The following SREK1IP1 variants were observed in gnomAD, a reference collection of about 807,000 sequenced individuals.
SREK1IP1 encodes the protein protein SREK1IP1.
Under a neutral mutation model 22.8 loss-of-function variants are expected in SREK1IP1, and 12 were observed. That is an observed-to-expected ratio of 0.53 (90% CI 0.34 to 0.85). The LOEUF is 0.85. Ranked by LOEUF, SREK1IP1 falls within the 40% of genes least tolerant of loss-of-function variation. The pLI is 0.02. For synonymous variants in SREK1IP1, 53 were observed against 52.7 expected (o/e 1.01, Z -0.02); for missense variants, 147 against 171.8 (o/e 0.86, Z 0.81).
Position 64,721,753 on chromosome 5 carries a change from T to A in SREK1IP1, c.*2631A>T, listed in dbSNP as rs1471636323. ...ATGAACCAAATATCAATTATCTGCT[T>A]GAAGAAGTTGAACGTGTTTATTATA... On this transcript the variant is annotated 3_prime_UTR_variant, in exon 5 of 5. Transcript: ENST00000513458. 6.6e-6 allele frequency: 1 copy of A among 152,164 alleles called. No homozygotes were observed. The highest frequency in any genetic ancestry group is 2.4e-5 in the African/African-American group (1 of 41,446). 9.4% of individuals were successfully genotyped at this position (152,164 alleles called of 1,614,324 possible).
In SREK1IP1 at chr5:64,728,102, A is replaced by G; in HGVS notation, c.278+5T>C. 7.3e-7 allele frequency: 1 copy of G among 1,368,474 alleles called. No homozygotes were observed. Among genetic ancestry groups the G allele is most frequent in the African/African-American group, 1.6e-5 (1 of 63,154 alleles). The allele number at this position is 1,368,474 out of a possible 1,614,324, so 84.8% of individuals were successfully genotyped here. The stretch of plus-strand genomic sequence containing the variant: ...TTGTTTTTTAAAATGTTGTTCAAAA[A>G]ATACCTTTTCCTTTTTTTTTTCAAT... On this transcript the variant is annotated splice_donor_5th_base_variant and intron_variant, in intron 4 of 4. Transcript: ENST00000513458.
intron 3 of SREK1IP1, among the ~76,000 whole-genome samples, chr5:64,730,698 G>C: frequency 6.6e-6 from 1 of 152,166 alleles, no homozygotes; most frequent in East Asian, 1.9e-4. Flanking sequence ...GCCGAAGGAG[G>C]AAGGGAGAAG....
chr5:64,731,507 GTGGGCCCT>G (rs546061209), intron 3 of SREK1IP1, among the ~76,000 whole-genome samples: 76 of 136,690 alleles, frequency 5.6e-4, no homozygotes, highest in African/African-American at 2.5e-3. Context: ...AGACAACAGA[GTGGGCCCT>G]TGTCTCAAAA....
chr5:64,724,852 G>T (rs559674063), intron 4 of SREK1IP1, among the ~76,000 whole-genome samples: 3 of 152,134 alleles, frequency 2.0e-5, no homozygotes, highest in East Asian at 3.9e-4. Context: ...GTGATTTTTG[G>T]TTTTTCATGC....
In SREK1IP1 at chr5:64,768,673, G is replaced by A; in HGVS notation, c.-156C>T. On this transcript the variant is annotated 5_prime_UTR_variant, in exon 1 of 5. Transcript: ENST00000513458. ...CGGGAAGGGCCTGTACGCCTCTAGC[G>A]ACGGCAGAACCAGTAGATGCGGATG... is the stretch of plus-strand genomic sequence containing the variant. The A allele has an allele frequency of 2.1e-6, 2 of 957,940 alleles. No homozygotes were observed. Among genetic ancestry groups the A allele is most frequent in the Non-Finnish European group, 1.6e-6 (1 of 621,174 alleles). The allele number at this position is 957,940 out of a possible 1,614,324, so 59.3% of individuals were successfully genotyped here.
intron 3 of SREK1IP1, among the ~76,000 whole-genome samples, chr5:64,730,465 C>T (rs75814352): frequency 0.069 from 10,428 of 151,724 alleles, 1,173 homozygotes; most frequent in African/African-American, 0.24. Context: ...GAAATGATGA[C>T]GCAGAGAGGG....
intron 3 of SREK1IP1, among the ~76,000 whole-genome samples, chr5:64,735,269 C>T (rs1375436895): frequency 6.6e-6 from 1 of 151,786 alleles, no homozygotes; most frequent in Non-Finnish European, 1.5e-5. Flanking sequence ...TTTTTATATA[C>T]TGCTGGATTC....
intron 4 of SREK1IP1, chr5:64,727,547 A>T (rs1478881627): frequency 4.1e-5 from 5 of 121,956 alleles, no homozygotes; most frequent in African/African-American, 2.5e-4. Flanking sequence ...ATATATATAT[A>T]TATATATTTT....
At position 64,726,631 on chromosome 5, in the gene SREK1IP1, C is replaced by T. The variant is rs1289900223; in HGVS notation, c.278+1476G>A. On this transcript the variant is annotated intron_variant, in intron 4 of 4. Transcript: ENST00000513458. ...TGTACTTCAACTTATGATGGAGTTA[C>T]GCCTTGATAAATCTATCTGAAGCTG... Among the ~76,000 whole-genome samples the T allele has an allele frequency of 2.6e-5, 4 of 150,964 alleles. No homozygotes were observed. The East Asian group carries it at 5.8e-4, about 22-fold the overall frequency.
At chr5:64,745,138 T>C (rs1742611531) in intron 2 of SREK1IP1, among the ~76,000 whole-genome samples, 1 of 152,224 alleles carries the variant, frequency 6.6e-6, no homozygotes, top group African/African-American at 2.4e-5. Flanking sequence ...CATTTTCTTG[T>C]CTAGCACCTG....
intron 1 of SREK1IP1, among the ~76,000 whole-genome samples, chr5:64,768,297 G>C (rs778543522): frequency 1.3e-5 from 2 of 152,170 alleles, no homozygotes; most frequent in Non-Finnish European, 2.9e-5. Flanking sequence ...GCTGGGGCTT[G>C]GCTCCTGGGG....
chr5:64,730,651 G>A (rs1299093967), intron 3 of SREK1IP1, among the ~76,000 whole-genome samples: 2 of 152,154 alleles, frequency 1.3e-5, no homozygotes, highest in Admixed American at 6.5e-5. Context: ...CTCTCATTTG[G>A]TGTCTTCTAT....
chr5:64,745,586 CAA>C (rs113120840), intron 2 of SREK1IP1, among the ~76,000 whole-genome samples: 2 of 125,544 alleles, frequency 1.6e-5, no homozygotes, highest in Non-Finnish European at 1.7e-5. Context: ...AAAACTGCCT[CAA>C]AAAAAAAAAA....
Position 64,768,555 on chromosome 5 carries a change from C to A in SREK1IP1, c.-38G>T, listed in dbSNP as rs530843388. On this transcript the variant is annotated 5_prime_UTR_variant, in exon 1 of 5. Transcript: ENST00000513458. ...AGGGGTAACTCGAGCCTCTGGCTTT[C>A]GAAAAGGCGCTTGCTTCCCGCCAGC... 6.2e-7 allele frequency: 1 copy of A among 1,614,010 alleles called. No individual in the cohort carries two copies. The highest frequency in any genetic ancestry group is 8.5e-7 in the Non-Finnish European group (1 of 1,179,974).
chr5:64,736,741 G>A (rs1742468244), intron 3 of SREK1IP1, among the ~76,000 whole-genome samples: 1 of 151,964 alleles, frequency 6.6e-6, no homozygotes, highest in Non-Finnish European at 1.5e-5. Context: ...GGGATTATAG[G>A]TGTGAGCCAT....
chr5:64,741,285 C>G, intron 2 of SREK1IP1, 85 bp from the exon 3 acceptor site: 1 of 1,230,230 alleles, frequency 8.1e-7, no homozygotes, highest in East Asian at 2.5e-5. Context: ...CTCACGGTAA[C>G]CAGTAAGTTA....
intron 2 of SREK1IP1, among the ~76,000 whole-genome samples, chr5:64,742,754 G>T (rs2112098342): frequency 6.6e-6 from 1 of 152,232 alleles, no homozygotes; most frequent in African/African-American, 2.4e-5. Context: ...TTAATTCCTG[G>T]AACTTCTCCT....
At chr5:64,764,672 C>T (rs999616506) in intron 1 of SREK1IP1, among the ~76,000 whole-genome samples, 1 of 152,092 alleles carries the variant, frequency 6.6e-6, no homozygotes, top group Non-Finnish European at 1.5e-5. Flanking sequence ...AACTGAACCT[C>T]CAAAAGGTTA....
intron 1 of SREK1IP1, among the ~76,000 whole-genome samples, chr5:64,756,228 T>C (rs1017094825): frequency 1.3e-5 from 2 of 152,194 alleles, no homozygotes; most frequent in African/African-American, 2.4e-5. Flanking sequence ...ATTAAGTACA[T>C]TCACAATATT....
Sources: gnomAD v4.1 joint callset for allele counts (sites outside exome capture counted in the v4.1 genomes callset) on GRCh38, gnomAD v4.1.1 for gene constraint, MANE v1.5 for transcripts, NCBI Gene and HGNC (gene_info 2026-07-23, HGNC 2026-07-21) for gene names.